Variants in DYM observed in about 807,000 individuals in gnomAD.
DYM encodes dyggve-Melchior-Clausen syndrome protein.
Under a neutral mutation model 93.1 loss-of-function variants are expected in DYM, and 78 were observed. The observed-to-expected ratio is 0.84, with a 90% confidence interval of 0.70 to 1.01. The LOEUF (loss-of-function observed/expected upper bound fraction) is 1.01, where lower values mean the gene tolerates loss of function less well. DYM is among the 50% of genes least tolerant of loss of function. The pLI, the probability that DYM is intolerant of heterozygous loss-of-function variation, is 0.00. For synonymous variants in DYM, 321 were observed against 319.7 expected (o/e 1.00, Z -0.04); for missense variants, 789 against 845.0 (o/e 0.93, Z 0.82).
intron 2 of DYM, among the ~76,000 whole-genome samples, chr18:49,429,320 T>G (rs747818131): frequency 2.0e-5 from 3 of 152,332 alleles, no homozygotes; most frequent in Admixed American, 1.3e-4. Context: ...CCATGTAATG[T>G]AACATATTCA....
At chr18:49,259,050 T>G (rs1212102672) in intron 11 of DYM, among the ~76,000 whole-genome samples, 1 of 151,934 alleles carries the variant, frequency 6.6e-6, no homozygotes, top group African/African-American at 2.4e-5. Flanking sequence ...TCGTTAAGGT[T>G]ACTCCTGCAA....
At chr18:49,292,596 A>AC (rs201393641) in intron 8 of DYM, among the ~76,000 whole-genome samples, 1,428 of 6,654 alleles carry the variant, frequency 0.21, 55 homozygotes, top group African/African-American at 0.28. Context: ...CTGTTGGAAA[A>AC]AAAAAAAAAA....
chr18:49,186,230 A>G (rs2090421720), intron 14 of DYM, among the ~76,000 whole-genome samples: 2 of 152,144 alleles, frequency 1.3e-5, no homozygotes, highest in Non-Finnish European at 2.9e-5. Flanking sequence ...TTTATTAAAC[A>G]ATGAAACTTA....
chr18:49,388,817 T>TTAAA (rs1459258148), intron 3 of DYM, among the ~76,000 whole-genome samples: 2 of 151,566 alleles, frequency 1.3e-5, no homozygotes, highest in Non-Finnish European at 2.9e-5. Context: ...AATGACACCT[T>TTAAA]TAAAGTACGG....
intron 2 of DYM, among the ~76,000 whole-genome samples, chr18:49,401,595 G>A (rs2148046981): frequency 6.6e-6 from 1 of 152,070 alleles, no homozygotes; most frequent in East Asian, 1.9e-4. Context: ...GGAGAACTAT[G>A]CCCAAGAATC....
At chr18:49,316,807 T>C (rs1361521310) in intron 8 of DYM, among the ~76,000 whole-genome samples, 1 of 152,140 alleles carries the variant, frequency 6.6e-6, no homozygotes, top group Admixed American at 6.5e-5. Context: ...ATTTGAATCA[T>C]ACAGTATAGA....
chr18:49,054,376 G>A (rs1264095662), intron 17 of DYM, among the ~76,000 whole-genome samples: 2 of 152,070 alleles, frequency 1.3e-5, no homozygotes, highest in Non-Finnish European at 2.9e-5. Flanking sequence ...CAAGTAGCTG[G>A]GATTAGAGGG....
intron 6 of DYM, among the ~76,000 whole-genome samples, chr18:49,345,439 C>T (rs1208216203): frequency 6.6e-6 from 1 of 152,112 alleles, no homozygotes; most frequent in Non-Finnish European, 1.5e-5. Context: ...AAGACCTCAA[C>T]AAGGACTTGA....
intron 13 of DYM, among the ~76,000 whole-genome samples, chr18:49,235,290 G>A (rs2093827284): frequency 6.6e-6 from 1 of 152,136 alleles, no homozygotes; most frequent in Admixed American, 6.5e-5. Context: ...GGAGATAGAG[G>A]AAATTATTTC....
At chr18:49,449,594 G>A (rs1263040180) in intron 1 of DYM, among the ~76,000 whole-genome samples, 1 of 152,156 alleles carries the variant, frequency 6.6e-6, no homozygotes, top group Non-Finnish European at 1.5e-5. Flanking sequence ...AGGGAACCCA[G>A]AAGCCTGACA....
intron 1 of DYM, among the ~76,000 whole-genome samples, chr18:49,437,151 T>TC: frequency 6.6e-6 from 1 of 152,158 alleles, no homozygotes; most frequent in East Asian, 1.9e-4. Context: ...AAAATCTCCT[T>TC]CCCATCCCAT....
chr18:49,384,814 A>G (rs2068431320), intron 3 of DYM, among the ~76,000 whole-genome samples: 1 of 151,950 alleles, frequency 6.6e-6, no homozygotes, highest in Non-Finnish European at 1.5e-5. Context: ...AAGAACAGAG[A>G]CAAAAAGATA....
At chr18:49,444,464 T>C (rs2081934305) in intron 1 of DYM, among the ~76,000 whole-genome samples, 1 of 152,160 alleles carries the variant, frequency 6.6e-6, no homozygotes, top group Non-Finnish European at 1.5e-5. Flanking sequence ...GCAAAACCTA[T>C]ATTGAGACAG....
chr18:49,048,432 C>CAA (rs1183160596), intron 17 of DYM: 4 of 152,192 alleles, frequency 2.6e-5, no homozygotes, highest in African/African-American at 9.7e-5. Context: ...TGTTAAAACG[C>CAA]ACTTCTCATT....
intron 15 of DYM, among the ~76,000 whole-genome samples, chr18:49,120,171 G>T (rs1261535056): frequency 6.6e-6 from 1 of 151,292 alleles, no homozygotes; most frequent in South Asian, 2.1e-4. Context: ...TTCCATACAG[G>T]AAGGCAGAAA....
At chr18:49,401,110 T>C (rs1322231335) in intron 2 of DYM, among the ~76,000 whole-genome samples, 2 of 152,184 alleles carry the variant, frequency 1.3e-5, no homozygotes, top group African/African-American at 2.4e-5. Context: ...TCAGACTAAA[T>C]AAGTATCACA....
intron 8 of DYM, among the ~76,000 whole-genome samples, chr18:49,301,138 C>T (rs551546240): frequency 6.6e-6 from 1 of 152,204 alleles, no homozygotes; most frequent in South Asian, 2.1e-4. Flanking sequence ...ATCAAGGGGT[C>T]TTCATTCTAA....
At chr18:49,413,574 A>G (rs548371421) in intron 2 of DYM, among the ~76,000 whole-genome samples, 1 of 152,368 alleles carries the variant, frequency 6.6e-6, no homozygotes, top group Admixed American at 6.5e-5. Flanking sequence ...TAACAATGCT[A>G]AAGAGAAATG....
At chr18:49,429,729 T>C (rs1287149184) in intron 2 of DYM, among the ~76,000 whole-genome samples, 1 of 152,158 alleles carries the variant, frequency 6.6e-6, no homozygotes, top group Non-Finnish European at 1.5e-5. Context: ...AGATATATTG[T>C]GTGTATGAAA....
Sources: gnomAD v4.1 joint callset for allele counts (sites outside exome capture counted in the v4.1 genomes callset) on GRCh38, gnomAD v4.1.1 for gene constraint, MANE v1.5 for transcripts, NCBI Gene and HGNC (gene_info 2026-07-23, HGNC 2026-07-21) for gene names.